The following SLC22A23 variants were observed in gnomAD, a reference collection of about 807,000 sequenced individuals.
SLC22A23 encodes ion transporter protein.
SLC22A23 carries 26 observed loss-of-function variants against 61.0 expected under a neutral mutation model. That is an observed-to-expected ratio of 0.43 (90% CI 0.31 to 0.59). The LOEUF (loss-of-function observed/expected upper bound fraction) is 0.59. Ranked by LOEUF, SLC22A23 falls within the 20% of genes least tolerant of loss-of-function variation. SLC22A23 has a pLI of 0.11. For synonymous variants in SLC22A23, 430 were observed against 413.9 expected, an observed-to-expected ratio of 1.04 and a Z score of -0.47; for missense variants, 796 against 934.7, an observed-to-expected ratio of 0.85 and a Z score of 1.94.
intron 1 of SLC22A23, chr6:3,432,291 A>G (rs1770918831): frequency 4.1e-6 from 4 of 985,310 alleles, no homozygotes; most frequent in Non-Finnish European, 4.8e-6. Context: ...CTCCTTCCAC[A>G]ATCACTCAGG....
In SLC22A23 at chr6:3,386,010, G is replaced by A. The variant is rs764384142; in HGVS notation, c.913+24178C>T. Among the ~76,000 whole-genome samples, 4 of 152,200 alleles carry A rather than the reference G, an allele frequency of 2.6e-5. No homozygotes were observed. The highest frequency in any genetic ancestry group is 6.5e-5 in the Admixed American group (1 of 15,284). ...ACACCCAAGCCCCGCATTTGAGCAG[G>A]ACGCTGCCAGATGTGACACATCTCA... On this transcript the variant is annotated intron_variant, in intron 3 of 9. Transcript: ENST00000406686. The surrounding 1 kb of genome is among the most constrained non-coding windows in gnomAD (Gnocchi z 4.4).
At chr6:3,398,181 C>G (rs1768135452) in intron 3 of SLC22A23, among the ~76,000 whole-genome samples, 1 of 152,148 alleles carries the variant, frequency 6.6e-6, no homozygotes. Flanking sequence ...ACTCTAAGCC[C>G]CACAGGAACT....
At chr6:3,282,208 G>A (rs1258778020) in intron 9 of SLC22A23, 1 of 702,584 alleles carries the variant, frequency 1.4e-6, no homozygotes. Flanking sequence ...TTTGATAAAG[G>A]AGAGAAATTT....
intron 3 of SLC22A23, among the ~76,000 whole-genome samples, chr6:3,399,908 T>A (rs1768265687): frequency 1.3e-5 from 2 of 152,354 alleles, no homozygotes; most frequent in African/African-American, 4.8e-5. Context: ...GACGGAGTTT[T>A]GCTCTTGTTG....
intron 4 of SLC22A23, among the ~76,000 whole-genome samples, chr6:3,300,402 C>T (rs570539822): frequency 4.5e-4 from 69 of 152,190 alleles, no homozygotes; most frequent in African/African-American, 1.6e-3. Flanking sequence ...AAACTAAACC[C>T]CAATGTGATA....
At chr6:3,402,838 G>A (rs1347744375) in intron 3 of SLC22A23, among the ~76,000 whole-genome samples, 4 of 152,198 alleles carry the variant, frequency 2.6e-5, no homozygotes, top group South Asian at 2.1e-4. Context: ...CAAGGGTTTA[G>A]TATGTAATCA....
chr6:3,420,232 G>GAAAAAAAAAAAAAAAAA (rs34794008), intron 1 of SLC22A23, among the ~76,000 whole-genome samples: 1 of 102,698 alleles, frequency 9.7e-6, no homozygotes, highest in Non-Finnish European at 2.0e-5. Flanking sequence ...AGCAAAATGA[G>GAAAAAAAAAAAAAAAAA]AAAAAAAAAA....
At chr6:3,326,543 G>C (rs138208459) in intron 3 of SLC22A23, among the ~76,000 whole-genome samples, 1 of 152,044 alleles carries the variant, frequency 6.6e-6, no homozygotes, top group East Asian at 1.9e-4. Context: ...TGGAGAAGTG[G>C]AATAATTTTC....
At chr6:3,393,509 C>A (rs1316553665) in intron 3 of SLC22A23, among the ~76,000 whole-genome samples, 2 of 152,222 alleles carry the variant, frequency 1.3e-5, no homozygotes, top group African/African-American at 4.8e-5. Flanking sequence ...CTTGATGCTG[C>A]AGGTTCTCTT....
intron 3 of SLC22A23, among the ~76,000 whole-genome samples, chr6:3,382,265 G>A (rs1279490139): frequency 6.6e-6 from 1 of 152,220 alleles, no homozygotes; most frequent in African/African-American, 2.4e-5. Flanking sequence ...GTCAGATGAA[G>A]GACAGTGAGG....
Position 3,280,187 on chromosome 6 carries a change from G to C in SLC22A23, c.1703+3665C>G, listed in dbSNP as rs375613723. On this transcript the variant is annotated intron_variant, in intron 9 of 9. Coordinates refer to ENST00000406686, the MANE Select transcript of SLC22A23 (RefSeq NM_015482.2). ...GTCCTGTGCTGAGCCCAGGCCCTTT[G>C]CACATGGCCTCCATTCTCCACCCCC... 4.6e-5 allele frequency among the ~76,000 whole-genome samples: 7 copies of C among 152,282 alleles called. No individual in the cohort carries two copies. The East Asian group carries it at 9.6e-4, about 21-fold the overall frequency.
chr6:3,361,684 G>A (rs1205360071), intron 3 of SLC22A23, among the ~76,000 whole-genome samples: 1 of 152,218 alleles, frequency 6.6e-6, no homozygotes, highest in Non-Finnish European at 1.5e-5. Flanking sequence ...TCTCAACACA[G>A]CAAGCCCCAT....
chr6:3,357,164 T>C (rs1765163486), intron 3 of SLC22A23, among the ~76,000 whole-genome samples: 1 of 148,030 alleles, frequency 6.8e-6, no homozygotes, highest in Non-Finnish European at 1.5e-5. Context: ...GTCTCAGAAA[T>C]CCAGCAGGAT....
chr6:3,336,669 A>G (rs1048239114), intron 3 of SLC22A23, among the ~76,000 whole-genome samples: 5 of 152,240 alleles, frequency 3.3e-5, no homozygotes, highest in African/African-American at 1.2e-4. Flanking sequence ...CACTTACCAG[A>G]GGCTCAACAC....
intron 4 of SLC22A23, among the ~76,000 whole-genome samples, chr6:3,307,728 G>A (rs1762085300): frequency 6.6e-6 from 1 of 152,256 alleles, no homozygotes; most frequent in Non-Finnish European, 1.5e-5. Context: ...AGCGGTGACT[G>A]TCGGTGAGTT....
At chr6:3,355,509 G>T (rs1026344842) in intron 3 of SLC22A23, among the ~76,000 whole-genome samples, 1 of 152,146 alleles carries the variant, frequency 6.6e-6, no homozygotes, top group Admixed American at 6.5e-5. Flanking sequence ...CTCTTACCAT[G>T]TGTATAAGAG....
intron 1 of SLC22A23, among the ~76,000 whole-genome samples, chr6:3,428,573 T>C (rs1770656584): frequency 6.6e-6 from 1 of 152,240 alleles, no homozygotes; most frequent in African/African-American, 2.4e-5. Context: ...CAGAGCGGGC[T>C]TGACAAAGCT....
intron 3 of SLC22A23, among the ~76,000 whole-genome samples, chr6:3,326,977 C>T (rs561451578): frequency 4.2e-5 from 6 of 141,336 alleles, no homozygotes; most frequent in South Asian, 4.5e-4. Context: ...TCAGGAGGGA[C>T]GGGGACTGCA....
intron 1 of SLC22A23, among the ~76,000 whole-genome samples, chr6:3,447,008 G>A (rs988101176): frequency 2.6e-5 from 4 of 151,194 alleles, no homozygotes; most frequent in Admixed American, 6.6e-5. Flanking sequence ...CCCACCACGC[G>A]AGATCTCACT....
Sources: allele counts gnomAD v4.1 joint callset (sites outside exome capture counted in the v4.1 genomes callset), GRCh38; gene constraint gnomAD v4.1.1; non-coding constraint Gnocchi (gnomAD v3.1); transcripts MANE v1.5; gene names NCBI Gene and HGNC (gene_info 2026-07-23, HGNC 2026-07-21).